The following GRHL2 variants were observed in gnomAD, a reference collection of about 807,000 sequenced individuals.
GRHL2 encodes the protein grainyhead-like protein 2 homolog.
A neutral mutation model predicts 83.8 loss-of-function variants in GRHL2; 21 were observed. The ratio of observed to expected loss-of-function variants is 0.25; its 90% confidence interval spans 0.18 to 0.36. GRHL2 has a LOEUF of 0.36. Ranked by LOEUF, GRHL2 falls within the 10% of genes least tolerant of loss-of-function variation. GRHL2 has a pLI of 1.00. For synonymous variants in GRHL2, 280 were observed against 278.9 expected (o/e 1.00, Z -0.04); for missense variants, 623 against 781.8 (o/e 0.80, Z 2.42).
chr8:101,499,760 T>C (rs1810184764), intron 1 of GRHL2, among the ~76,000 whole-genome samples: 1 of 152,172 alleles, frequency 6.6e-6, no homozygotes, highest in Non-Finnish European at 1.5e-5. Context: ...TAAAGAGGTT[T>C]TCAATGACTC....
At chr8:101,617,452 G>A (rs756918306) in intron 8 of GRHL2, among the ~76,000 whole-genome samples, 1 of 152,300 alleles carries the variant, frequency 6.6e-6, no homozygotes, top group Non-Finnish European at 1.5e-5. Context: ...CTTTGGGTTT[G>A]AAATGAACTA....
At chr8:101,638,435 C>T (rs1275736437) in intron 12 of GRHL2, among the ~76,000 whole-genome samples, 1 of 152,166 alleles carries the variant, frequency 6.6e-6, no homozygotes, top group Non-Finnish European at 1.5e-5. Flanking sequence ...ATCCAAGTGT[C>T]CTTAAGTAAC....
At chr8:101,638,107 T>C (rs1298436272) in intron 12 of GRHL2, among the ~76,000 whole-genome samples, 1 of 152,250 alleles carries the variant, frequency 6.6e-6, no homozygotes, top group Non-Finnish European at 1.5e-5. Context: ...AGCTACTTTA[T>C]GTTCTTGGTT....
At chr8:101,639,462 G>A (rs182509242) in intron 12 of GRHL2, among the ~76,000 whole-genome samples, 3 of 152,320 alleles carry the variant, frequency 2.0e-5, no homozygotes, top group Admixed American at 6.5e-5. Flanking sequence ...AGGACACTGA[G>A]GCTTCAAGAG....
intron 1 of GRHL2, among the ~76,000 whole-genome samples, chr8:101,507,190 C>T (rs1013986834): frequency 2.0e-5 from 3 of 152,062 alleles, no homozygotes; most frequent in African/African-American, 4.8e-5. Flanking sequence ...AACTATTAAC[C>T]CTTTTGTTAA....
intron 2 of GRHL2, among the ~76,000 whole-genome samples, chr8:101,548,566 A>G (rs1586083171): frequency 6.6e-6 from 1 of 152,178 alleles, no homozygotes; most frequent in African/African-American, 2.4e-5. Context: ...TGATTCCTGG[A>G]TTAATCAAGG....
rs1484862912 is a variant in GRHL2, at chr8:101,669,307, A to ACAT, written c.*2606_*2608dup. The stretch of plus-strand genomic sequence containing the variant: ...GAACAGAACAAGACTTTTTCCTCAT[A>ACAT]CATCTCCAAATTGTTTAAACTTACT... On this transcript the variant is annotated 3_prime_UTR_variant, in exon 16 of 16. Coordinates refer to ENST00000646743, the MANE Select transcript of GRHL2 (RefSeq NM_024915.4). The ACAT allele has an allele frequency of 1.4e-5, 2 of 144,134 alleles. No homozygotes were observed. The highest frequency in any genetic ancestry group is 3.0e-5 in the Non-Finnish European group (2 of 66,850). The allele number at this position is 144,134 out of a possible 1,614,324, so 8.9% of individuals were successfully genotyped here.
At chr8:101,501,237 G>A (rs961119158) in intron 1 of GRHL2, among the ~76,000 whole-genome samples, 14 of 152,194 alleles carry the variant, frequency 9.2e-5, no homozygotes. Context: ...AATGAACATG[G>A]CAATGAACTT....
At chr8:101,627,284 T>G (rs1375230802) in intron 9 of GRHL2, among the ~76,000 whole-genome samples, 1 of 152,134 alleles carries the variant, frequency 6.6e-6, no homozygotes, top group African/African-American at 2.4e-5. Context: ...TGTTCTTGTC[T>G]CCGTGTCACA....
chr8:101,631,785 G>C, intron 10 of GRHL2, 61 bp downstream of exon 10: 3 of 1,340,460 alleles, frequency 2.2e-6, no homozygotes, highest in South Asian at 1.2e-5. Flanking sequence ...TGTCCACTGG[G>C]GGAACAGGTG....
At position 101,632,289 on chromosome 8, in the gene GRHL2, C is replaced by A. The variant is rs767758627; in HGVS notation, c.1409C>A (p.Thr470Asn). The A allele has an allele frequency of 3.1e-6, 5 of 1,613,940 alleles. No individual in the cohort carries two copies. Among genetic ancestry groups the A allele is most frequent in the Non-Finnish European group, 3.4e-6 (4 of 1,179,948 alleles). The change falls in exon 11 of 16, where the codon ACC (threonine) becomes AAC (asparagine). Residue 470 changes from threonine to asparagine, a missense_variant. Around this residue, in one of 8 missense-constraint regions of GRHL2, gnomAD observed 210 missense variants for 254.8 expected, o/e 0.82. Coordinates refer to ENST00000646743, the MANE Select transcript of GRHL2 (RefSeq NM_024915.4). ...AAGAGTGACATCACCTACTTCAAAACCATGCCTGATCTCCACTCACAGCCA... is the reference window on the plus strand; with the variant it reads ...AAGAGTGACATCACCTACTTCAAAAACATGCCTGATCTCCACTCACAGCCA... ...QKKSDITYFKTMPDLHSQPVL... is the reference protein window; with the variant it reads ...QKKSDITYFKNMPDLHSQPVL...
At chr8:101,625,745 T>C (rs1458351824) in intron 9 of GRHL2, among the ~76,000 whole-genome samples, 1 of 152,044 alleles carries the variant, frequency 6.6e-6, no homozygotes, top group Non-Finnish European at 1.5e-5. Context: ...ATAGCTCCTA[T>C]TTTACGTATC....
At chr8:101,557,817 T>C (rs1811518881) in intron 3 of GRHL2, among the ~76,000 whole-genome samples, 1 of 152,192 alleles carries the variant, frequency 6.6e-6, no homozygotes, top group Admixed American at 6.5e-5. Flanking sequence ...TGTTCCTGTA[T>C]TTCCTAAGAG....
intron 1 of GRHL2, among the ~76,000 whole-genome samples, chr8:101,505,182 C>T (rs1378581846): frequency 6.6e-6 from 1 of 152,030 alleles, no homozygotes. Flanking sequence ...CCCAACTGGC[C>T]CTCCCCTCCC....
Position 101,522,742 on chromosome 8 carries a change from T to C in GRHL2, c.21-20499T>C, listed in dbSNP as rs77254562. Among the ~76,000 whole-genome samples the C allele has an allele frequency of 2.0e-5, 3 of 150,498 alleles. No individual in the cohort carries two copies. In the East Asian group the frequency reaches 5.8e-4, roughly 29 times the overall value. On this transcript the variant is annotated intron_variant, in intron 1 of 15. Transcript: ENST00000646743. ...ATGTTTATACATATACATATACATA[T>C]ATATATATACACACACATATACATA...
At chr8:101,669,946 C>T (rs1018571461), downstream of GRHL2, among the ~76,000 whole-genome samples, 26 of 152,204 alleles carry the variant, frequency 1.7e-4, no homozygotes, top group African/African-American at 2.9e-4. Context: ...TGTGTGACCA[C>T]GGCAGGCTCC....
At chr8:101,512,741 G>A (rs117710611) in intron 1 of GRHL2, among the ~76,000 whole-genome samples, 1 of 152,354 alleles carries the variant, frequency 6.6e-6, no homozygotes, top group Non-Finnish European at 1.5e-5. Context: ...GGGATTGGCA[G>A]AGGATGCTTT....
At chr8:101,501,638 T>C (rs925969080) in intron 1 of GRHL2, among the ~76,000 whole-genome samples, 2 of 152,138 alleles carry the variant, frequency 1.3e-5, no homozygotes, top group African/African-American at 4.8e-5. Flanking sequence ...TGTGGCTGTT[T>C]GGCCTCCTAG....
At chr8:101,639,072 G>A (rs2129646337) in intron 12 of GRHL2, among the ~76,000 whole-genome samples, 1 of 152,336 alleles carries the variant, frequency 6.6e-6, no homozygotes, top group South Asian at 2.1e-4. Flanking sequence ...GATCCTGAAT[G>A]CTCCTTGATG....
Sources: gnomAD v4.1 joint callset for allele counts (sites outside exome capture counted in the v4.1 genomes callset) on GRCh38, gnomAD v4.1.1 for gene constraint, gnomAD v4.1.1 regional missense constraint, MANE v1.5 for transcripts, NCBI Gene and HGNC (gene_info 2026-07-23, HGNC 2026-07-21) for gene names.